Variants in STPG2 observed in about 807,000 individuals in gnomAD.
STPG2 encodes the protein sperm tail PG-rich repeat containing 2, also known as sperm-tail PG-rich repeat-containing protein 2.
In STPG2, 56 loss-of-function variants were observed where a neutral mutation model predicts 54.2. The ratio of observed to expected loss-of-function variants is 1.03; its 90% CI spans 0.83 to 1.29. The LOEUF (loss-of-function observed/expected upper bound fraction) is 1.29, where lower values mean the gene tolerates loss of function less well. Among genes scored for constraint, STPG2 ranks in the 50% most tolerant of loss-of-function variants. The pLI, the probability that STPG2 is intolerant of heterozygous loss-of-function variation, is 0.00. For missense variants in STPG2, 596 were observed against 544.9 expected (o/e 1.09, Z -0.93); for synonymous variants, 200 against 181.8 (o/e 1.10, Z -0.81).
chr4:97,610,051 C>T (rs1733694924), intron 10 of STPG2, among the ~76,000 whole-genome samples: 1 of 151,900 alleles, frequency 6.6e-6, no homozygotes, highest in Admixed American at 6.6e-5. Flanking sequence ...AGATAATTTT[C>T]CTGAGAAGGT....
At chr4:97,978,900 A>C (rs919142552) in intron 6 of STPG2, among the ~76,000 whole-genome samples, 1 of 152,130 alleles carries the variant, frequency 6.6e-6, no homozygotes, top group Admixed American at 6.5e-5. Context: ...CTTCTCAAAA[A>C]GGGGCCTTAA....
At chr4:97,648,703 T>A (rs1452116980) in intron 10 of STPG2, among the ~76,000 whole-genome samples, 6 of 152,166 alleles carry the variant, frequency 3.9e-5, no homozygotes, top group Non-Finnish European at 7.4e-5. Flanking sequence ...AAATTAAGGG[T>A]AATAATGTCT....
In STPG2 at chr4:97,712,552, C is replaced by G. The variant is rs952615436; in HGVS notation, c.1320+147G>C. On this transcript the variant is annotated intron_variant, in intron 10 of 10. Coordinates refer to ENST00000295268, the MANE Select transcript of STPG2 (RefSeq NM_174952.3). Reference sequence around the variant, plus strand: ...ATTCTTTTTAAATGTCAGACCACATCTTCAAAAATCTCCTTAGTCAAAATA... The same window carrying G: ...ATTCTTTTTAAATGTCAGACCACATGTTCAAAAATCTCCTTAGTCAAAATA... 36 of 478,368 alleles carry G rather than the reference C, an allele frequency of 7.5e-5. No individual in the cohort carries two copies. The Admixed American group carries it at 1.5e-3, about 20-fold the overall frequency. The allele number at this position is 478,368 out of a possible 1,614,324, so 29.6% of individuals were successfully genotyped here.
chr4:97,762,978 T>C (rs1275845514), intron 9 of STPG2, among the ~76,000 whole-genome samples: 2 of 152,184 alleles, frequency 1.3e-5, no homozygotes, highest in Non-Finnish European at 2.9e-5. Context: ...ATATTTTGGA[T>C]ACAAATCTTA....
At chr4:97,851,870 A>G (rs778231030) in intron 8 of STPG2, among the ~76,000 whole-genome samples, 12 of 152,360 alleles carry the variant, frequency 7.9e-5, no homozygotes, top group Middle Eastern at 3.4e-3. Flanking sequence ...GTAAAATACA[A>G]GAACAGAAAT....
intron 8 of STPG2, among the ~76,000 whole-genome samples, chr4:97,860,557 T>C (rs1377616720): frequency 1.3e-5 from 2 of 151,760 alleles, no homozygotes; most frequent in Admixed American, 6.6e-5. Flanking sequence ...AGGGATTGAG[T>C]TCTTGATTTG....
At chr4:98,038,487 T>C (rs1736840846) in intron 5 of STPG2, among the ~76,000 whole-genome samples, 1 of 151,790 alleles carries the variant, frequency 6.6e-6, no homozygotes. Context: ...GAGAAAAGAG[T>C]ATGTAACGTA....
chr4:97,790,999 A>AT (rs1726973513), intron 9 of STPG2, among the ~76,000 whole-genome samples: 1 of 152,136 alleles, frequency 6.6e-6, no homozygotes, highest in Non-Finnish European at 1.5e-5. Context: ...AAATTCTACC[A>AT]AACTTTTGCA....
intron 4 of STPG2, among the ~76,000 whole-genome samples, chr4:97,529,661 T>C (rs1414926639): frequency 6.6e-6 from 1 of 152,200 alleles, no homozygotes. Flanking sequence ...ATTTCCAAAC[T>C]TGTTATTGTT....
intron 5 of STPG2, among the ~76,000 whole-genome samples, chr4:98,017,939 AT>A (rs1453563523): frequency 1.3e-5 from 2 of 152,110 alleles, no homozygotes; most frequent in Non-Finnish European, 2.9e-5. Flanking sequence ...ACCTTCTGCC[AT>A]GATTGTAAGT....
chr4:97,659,271 CAA>C (rs1722304653), intron 10 of STPG2, among the ~76,000 whole-genome samples: 1 of 152,058 alleles, frequency 6.6e-6, no homozygotes, highest in Non-Finnish European at 1.5e-5. Flanking sequence ...TGTAAAAAAA[CAA>C]AATAACTTCA....
intron 9 of STPG2, among the ~76,000 whole-genome samples, chr4:97,835,060 G>A (rs764388859): frequency 3.3e-5 from 5 of 152,066 alleles, no homozygotes; most frequent in Non-Finnish European, 7.4e-5. Context: ...GACATGCTGG[G>A]CTGCATTCCC....
intron 10 of STPG2, among the ~76,000 whole-genome samples, chr4:97,695,242 A>C (rs1723531757): frequency 6.6e-6 from 1 of 152,160 alleles, no homozygotes; most frequent in South Asian, 2.1e-4. Context: ...AAAAACAAAA[A>C]TCAGATGATC....
chr4:97,725,040 A>G (rs150987208), intron 9 of STPG2, among the ~76,000 whole-genome samples: 1 of 152,254 alleles, frequency 6.6e-6, no homozygotes, highest in East Asian at 1.9e-4. Flanking sequence ...TAGGCAGTTT[A>G]GAATGCAATA....
intron 9 of STPG2, among the ~76,000 whole-genome samples, chr4:97,738,047 G>C (rs925778544): frequency 6.6e-6 from 1 of 152,146 alleles, no homozygotes; most frequent in Non-Finnish European, 1.5e-5. Flanking sequence ...AGAGAGCGAA[G>C]GCCAATATTC....
At chr4:97,691,779 C>T (rs1723374132) in intron 10 of STPG2, among the ~76,000 whole-genome samples, 2 of 152,110 alleles carry the variant, frequency 1.3e-5, no homozygotes, top group South Asian at 4.1e-4. Flanking sequence ...AAGGACCCTC[C>T]CTGTGTCCAC....
chr4:97,673,404 A>C (rs1174990102), intron 10 of STPG2, among the ~76,000 whole-genome samples: 12 of 152,216 alleles, frequency 7.9e-5, no homozygotes, highest in Admixed American at 7.9e-4. Context: ...CTTCACAGCA[A>C]ATGGATTTAA....
chr4:97,685,899 G>A lies in STPG2; in HGVS notation c.1320+26800C>T, dbSNP rs530273801. ...AGGAGAGCAGTCTGACTAATACAGTGTGCAACACAAAGAATAGAGAATAGT... is the reference window on the plus strand; with the variant it reads ...AGGAGAGCAGTCTGACTAATACAGTATGCAACACAAAGAATAGAGAATAGT... On this transcript the variant is annotated intron_variant, in intron 10 of 10. Transcript: ENST00000295268. 3.3e-5 allele frequency among the ~76,000 whole-genome samples: 5 copies of A among 152,244 alleles called. No individual in the cohort carries two copies. In the South Asian group the frequency reaches 8.3e-4, roughly 25 times the overall value.
chr4:97,514,177 T>A (rs1461910210), intron 4 of STPG2, among the ~76,000 whole-genome samples: 1 of 152,038 alleles, frequency 6.6e-6, no homozygotes, highest in Non-Finnish European at 1.5e-5. Flanking sequence ...AGGTTGAGAG[T>A]TCCTAATATG....
Sources: gnomAD v4.1 joint callset for allele counts (sites outside exome capture counted in the v4.1 genomes callset) on GRCh38, gnomAD v4.1.1 for gene constraint, MANE v1.5 for transcripts, NCBI Gene and HGNC (gene_info 2026-07-23, HGNC 2026-07-21) for gene names.